The following TNFRSF10A variants were observed in gnomAD, a reference collection of about 807,000 sequenced individuals.
TNFRSF10A encodes the protein TNF receptor superfamily member 10a.
Under a neutral mutation model 42.8 loss-of-function variants are expected in TNFRSF10A, and 44 were observed. The observed-to-expected ratio is 1.03, with a 90% CI of 0.81 to 1.32. TNFRSF10A has a LOEUF of 1.32. Among genes scored for constraint, TNFRSF10A ranks in the 40% most tolerant of loss-of-function variants. TNFRSF10A has a pLI of 0.00. For synonymous variants in TNFRSF10A, 259 were observed against 234.2 expected, an observed-to-expected ratio of 1.11 and a Z score of -0.97; for missense variants, 680 against 602.0, an observed-to-expected ratio of 1.13 and a Z score of -1.36.
chr8:23,199,843 C>T (rs771603367), intron 7 of TNFRSF10A, 43 bp downstream of exon 7: 1 of 1,614,122 alleles, frequency 6.2e-7, no homozygotes, highest in Non-Finnish European at 8.5e-7. Context: ...AGAAGCAGTT[C>T]CTGAGCCCCT....
intron 9 of TNFRSF10A, among the ~76,000 whole-genome samples, chr8:23,192,719 T>C (rs1800773509): frequency 6.6e-6 from 1 of 152,240 alleles, no homozygotes; most frequent in Non-Finnish European, 1.5e-5. Flanking sequence ...TGGTACTGAA[T>C]ATGTGTAAAA....
intron 2 of TNFRSF10A, among the ~76,000 whole-genome samples, chr8:23,210,564 C>T (rs1175937905): frequency 1.3e-5 from 2 of 152,132 alleles, no homozygotes; most frequent in Non-Finnish European, 2.9e-5. Flanking sequence ...CGCCTGTAGT[C>T]CCTGCTACTT....
At chr8:23,208,542 G>A (rs576857158) in intron 2 of TNFRSF10A, among the ~76,000 whole-genome samples, 156 of 152,162 alleles carry the variant, frequency 1.0e-3, no homozygotes, top group Middle Eastern at 3.4e-3. Context: ...CTGCAAGTCC[G>A]CCTCCTGGGT....
chr8:23,202,696 C>A lies in TNFRSF10A; in HGVS notation c.469G>T (p.Ala157Ser). The change falls in exon 3 of 10, where the codon GCT (alanine) becomes TCT (serine). Residue 157 changes from alanine (A) to serine (S), a missense_variant. Transcript: ENST00000221132. Reference sequence around the variant, plus strand: ...AGGCAAGCAAACAAATTGTTGGAAGCATTGGTGTAACCCACACCCTCTGTG... The same window carrying A: ...AGGCAAGCAAACAAATTGTTGGAAGAATTGGTGTAACCCACACCCTCTGTG... ...RCTEGVGYTNASNNLFACLPC... is the reference protein window; with the variant it reads ...RCTEGVGYTNSSNNLFACLPC... 6.2e-7 allele frequency: 1 copy of A among 1,614,050 alleles called. No individual in the cohort carries two copies. The highest frequency in any genetic ancestry group is 8.5e-7 in the Non-Finnish European group (1 of 1,179,974).
chr8:23,200,469 G>A (rs746954585), intron 6 of TNFRSF10A, 36 bp downstream of exon 6: 1 of 1,605,834 alleles, frequency 6.2e-7, no homozygotes, highest in Non-Finnish European at 8.5e-7. Flanking sequence ...GCAGGGCAGA[G>A]AGTGCCCAGA....
rs917977726 is a variant in TNFRSF10A, at chr8:23,191,834, C to G, written c.1267G>C (p.Ala423Pro). The G allele has an allele frequency of 1.9e-6, 3 of 1,557,946 alleles. No individual in the cohort carries two copies. Among genetic ancestry groups the G allele is most frequent in the Non-Finnish European group, 1.7e-6 (2 of 1,151,440 alleles). Residue 423 changes from alanine to proline, a missense_variant, in exon 10 of 10, where the codon GCC (alanine) becomes CCC (proline). Physicochemically the swap from Ala to Pro is conservative, Grantham distance 27. Coordinates refer to ENST00000221132, the MANE Select transcript of TNFRSF10A (RefSeq NM_003844.4). ...MKWVNKTGRN[A>P]SIHTLLDALE... ...GCATCCAGCAGGGTGTGGATCGAGG[C>G]GTTCCGTCCAGTTTTGTTGACCCAT...
intron 2 of TNFRSF10A, among the ~76,000 whole-genome samples, chr8:23,204,541 A>G (rs992772108): frequency 6.6e-5 from 10 of 152,230 alleles, no homozygotes; most frequent in South Asian, 2.1e-4. Context: ...GAACAACACT[A>G]TTAACAACTA....
At chr8:23,192,675 A>G (rs1279077430) in intron 9 of TNFRSF10A, among the ~76,000 whole-genome samples, 1 of 152,250 alleles carries the variant, frequency 6.6e-6, no homozygotes, top group Non-Finnish European at 1.5e-5. Context: ...TTTAAAGAAC[A>G]TAAAAAGAAA....
At chr8:23,195,067 G>C (rs1215196963) in intron 9 of TNFRSF10A, among the ~76,000 whole-genome samples, 1 of 152,222 alleles carries the variant, frequency 6.6e-6, no homozygotes, top group East Asian at 1.9e-4. Context: ...GCTGAGGCGT[G>C]AGAATTGCTA....
chr8:23,209,499 C>T (rs1294225856), intron 2 of TNFRSF10A, among the ~76,000 whole-genome samples: 1 of 152,230 alleles, frequency 6.6e-6, no homozygotes, highest in East Asian at 1.9e-4. Context: ...CTATACCTTG[C>T]AATGCCACAG....
At position 23,206,244 on chromosome 8, in the gene TNFRSF10A, GA is replaced by G. The variant is rs963990734; in HGVS notation, c.404-3484del. On this transcript the variant is annotated intron_variant, in intron 2 of 9. Transcript: ENST00000221132. ...TACACGAAGTTAATATTGAAGGAAG[GA>G]AAAAAAAATTTACAGATTTGGTGTA... 1.1e-3 allele frequency among the ~76,000 whole-genome samples: 161 copies of G among 150,912 alleles called. 1 individual carries two copies. Among genetic ancestry groups the G allele is most frequent in the African/African-American group, 3.4e-3 (139 of 41,234 alleles).
At chr8:23,216,366 T>C (rs1801180562) in intron 1 of TNFRSF10A, among the ~76,000 whole-genome samples, 1 of 152,224 alleles carries the variant, frequency 6.6e-6, no homozygotes, top group Non-Finnish European at 1.5e-5. Context: ...TTATATATGA[T>C]GTAATTCTTT....
rs752383148 is a variant in TNFRSF10A, at chr8:23,199,376, T to A, written c.904A>T (p.Asn302Tyr). 4.3e-6 allele frequency: 7 copies of A among 1,614,090 alleles called. No homozygotes were observed. In the African/African-American group the frequency reaches 9.3e-5, roughly 22 times the overall value. ...ACGAAAGTGGACAGCGAGTCTGCGT[T>A]GCTCAGAATCTCGTTGTGAGCATTG... ...EDNAHNEILS[N>Y]ADSLSTFVSE... Residue 302 changes from asparagine to tyrosine, a missense_variant, in exon 8 of 10, where the codon AAC becomes TAC. Physicochemically the swap from Asn to Tyr is moderately radical, Grantham distance 143. Transcript: ENST00000221132.
intron 8 of TNFRSF10A, 63 bp downstream of exon 8, chr8:23,199,203 G>A (rs1220030936): frequency 1.9e-6 from 3 of 1,567,188 alleles, no homozygotes; most frequent in Middle Eastern, 1.9e-4. Flanking sequence ...TTGACCAGGA[G>A]AGCCGAGGCA....
At chr8:23,219,035 C>T (rs1801222235) in intron 1 of TNFRSF10A, among the ~76,000 whole-genome samples, 2 of 152,064 alleles carry the variant, frequency 1.3e-5, no homozygotes, top group African/African-American at 4.8e-5. Context: ...GGCCTTGCAA[C>T]TGCTGGAGTC....
Position 23,199,318 on chromosome 8 carries a change from G to A in TNFRSF10A, c.962C>T (p.Ala321Val), listed in dbSNP as rs753001021. 7 of 1,614,058 alleles carry A rather than the reference G, an allele frequency of 4.3e-6. No homozygotes were observed. Among genetic ancestry groups the A allele is most frequent in the Non-Finnish European group, 5.1e-6 (6 of 1,180,024 alleles). ...CTGTACAGTGACACCTGTCAAATCT[G>A]CCGGCTCCTGGCTTTCCATTTGCTG... is the stretch of plus-strand genomic sequence containing the variant. ...SEQQMESQEP[A>V]DLTGVTVQSP... Residue 321 changes from alanine to valine, a missense_variant, in exon 8 of 10, where the codon GCA becomes GTA. Coordinates refer to ENST00000221132, the MANE Select transcript of TNFRSF10A (RefSeq NM_003844.4).
At chr8:23,205,916 C>A (rs1800998148) in intron 2 of TNFRSF10A, among the ~76,000 whole-genome samples, 1 of 151,992 alleles carries the variant, frequency 6.6e-6, no homozygotes, top group South Asian at 2.1e-4. Context: ...CAGGGTTTCA[C>A]TGTGTTAGCC....
At chr8:23,218,919 C>G (rs1284164048) in intron 1 of TNFRSF10A, among the ~76,000 whole-genome samples, 1 of 152,254 alleles carries the variant, frequency 6.6e-6, no homozygotes, top group Non-Finnish European at 1.5e-5. Flanking sequence ...GAGCTTGGCA[C>G]ACGCAAGTAC....
chr8:23,220,370 T>C (rs1801240720), intron 1 of TNFRSF10A, among the ~76,000 whole-genome samples: 1 of 152,190 alleles, frequency 6.6e-6, no homozygotes, highest in Non-Finnish European at 1.5e-5. Flanking sequence ...ACCTCTCTCT[T>C]TAGCAAAGTA....
Sources: gnomAD v4.1 joint callset for allele counts (sites outside exome capture counted in the v4.1 genomes callset) on GRCh38, gnomAD v4.1.1 for gene constraint, MANE v1.5 for transcripts, NCBI Gene and HGNC (gene_info 2026-07-23, HGNC 2026-07-21) for gene names.